The following DDX52 variants were observed in gnomAD, a reference collection of about 807,000 sequenced individuals.
DDX52 encodes DExD-box helicase 52.
A neutral mutation model predicts 76.1 loss-of-function variants in DDX52; 59 were observed. The ratio of observed to expected loss-of-function variants is 0.78; its 90% CI spans 0.63 to 0.96. DDX52 has a LOEUF of 0.96. Ranked by LOEUF, DDX52 falls within the 40% of genes least tolerant of loss-of-function variation. The pLI is 0.00. For synonymous variants in DDX52, 231 were observed against 244.1 expected, an observed-to-expected ratio of 0.95 and a Z score of 0.50; for missense variants, 707 against 703.9, an observed-to-expected ratio of 1.00 and a Z score of -0.05.
At chr17:37,635,589 A>G in intron 2 of DDX52, 1 of 455,954 alleles carries the variant, frequency 2.2e-6, no homozygotes, top group South Asian at 1.5e-5. Context: ...TAATGGATGT[A>G]CAGTTCATCA....
intron 3 of DDX52, among the ~76,000 whole-genome samples, chr17:37,632,996 A>C (rs1362233832): frequency 6.6e-6 from 1 of 152,216 alleles, no homozygotes; most frequent in Non-Finnish European, 1.5e-5. Flanking sequence ...TGTTTATCGA[A>C]AGCAGTTACG....
chr17:37,614,310 C>T lies in DDX52; in HGVS notation c.1786G>A (p.Glu596Lys), dbSNP rs2064400115. Residue 596 changes from glutamate to lysine, a missense_variant, in exon 15 of 15, where the codon GAA (glutamate) becomes AAA (lysine). By Grantham distance (56) the Glu-to-Lys change is moderately conservative. Coordinates refer to ENST00000617633, the MANE Select transcript of DDX52 (RefSeq NM_007010.5). ...AAAGTCTGTTTTTAACTTTTGTCTT[C>T]AAGAGCTACTTTCTTCTTGCTGTTC... ...GQNSKKKVALEDKS is the reference protein window; with the variant it reads ...GQNSKKKVALKDKS 8 of 1,612,780 alleles carry T rather than the reference C, an allele frequency of 5.0e-6. No individual in the cohort carries two copies. The South Asian group carries it at 7.7e-5, about 16-fold the overall frequency.
rs1387097839 is a variant in DDX52 at position 37,610,878 on chromosome 17, G to A, written c.*3418C>T. The stretch of plus-strand genomic sequence containing the variant: ...TAATTTCACTCCTTCCCTTCCTTGT[G>A]TGAAGCTGAAATTTATGTAGCACAT... On this transcript the variant is annotated 3_prime_UTR_variant, in exon 15 of 15. Transcript: ENST00000617633. 2 of 152,182 alleles carry A rather than the reference G, an allele frequency of 1.3e-5. No individual in the cohort carries two copies. Among genetic ancestry groups the A allele is most frequent in the Admixed American group, 6.5e-5 (1 of 15,282 alleles). The allele number at this position is 152,182 out of a possible 1,614,324, so 9.4% of individuals were successfully genotyped here.
chr17:37,633,290 T>C lies in DDX52; in HGVS notation c.415A>G (p.Lys139Glu). 1 of 1,600,442 alleles carries C rather than the reference T, an allele frequency of 6.2e-7. No homozygotes were observed. The highest frequency in any genetic ancestry group is 8.5e-7 in the Non-Finnish European group (1 of 1,175,942). ...TGGCCCCAAAATATTTTTCTAACCT[T>C]TTCTTTTCTGAGATTCTCCAACTTT... Reference protein sequence around the residue: ...SGKLENLRKEKINFLRNKHKI... With the variant: ...SGKLENLRKEEINFLRNKHKI... Residue 139 changes from lysine (K) to glutamate (E), a missense_variant and splice_region_variant, in exon 3 of 15, where the codon AAG becomes GAG. Physicochemically the swap from Lys to Glu is moderately conservative, Grantham distance 56. Coordinates refer to ENST00000617633, the MANE Select transcript of DDX52 (RefSeq NM_007010.5).
rs1308531513 is a variant in DDX52, at chr17:37,621,203, C to G, written c.1425G>C (p.Gly475=). 6.2e-7 allele frequency: 1 copy of G among 1,614,052 alleles called. No homozygotes were observed. Among genetic ancestry groups the G allele is most frequent in the South Asian group, 1.1e-5 (1 of 91,068 alleles). Residue 475 remains glycine, a synonymous_variant, in exon 11 of 15, where the codon GGG becomes GGC. Transcript: ENST00000617633. ...VLICTALLAR[G]IDFKGVNLVI... ...CCAAGTTCACACCTTTAAAATCAAT[C>G]CCTCTTGCTAGCAAGGCTGTACAAA...
intron 2 of DDX52, 68 bp from the exon 3 acceptor site, chr17:37,633,486 C>A (rs1209868809): frequency 4.9e-6 from 6 of 1,236,682 alleles, no homozygotes; most frequent in African/African-American, 1.6e-5. Flanking sequence ...CCCGTCTCTT[C>A]AAAAAAAAAT....
chr17:37,618,584 C>T (rs1041373275), intron 13 of DDX52, among the ~76,000 whole-genome samples, 200 bp from the exon 14 acceptor site: 3 of 151,956 alleles, frequency 2.0e-5, no homozygotes, highest in East Asian at 1.9e-4. Flanking sequence ...TGGGTTCAGG[C>T]GATTCTCCTG....
intron 4 of DDX52, chr17:37,630,947 A>AT (rs906308141): frequency 1.3e-5 from 2 of 152,138 alleles, no homozygotes; most frequent in African/African-American, 4.8e-5. Context: ...GCCCACTGTG[A>AT]TTTTTTAAGC....
At position 37,610,576 on chromosome 17, in the gene DDX52, A is replaced by T. The variant is rs1013620907; in HGVS notation, c.*3720T>A. On this transcript the variant is annotated 3_prime_UTR_variant, in exon 15 of 15. Transcript: ENST00000617633. ...CTTGTCTCAAGGTTTTTACTGGGTA[A>T]TAATTTGTAATAAGTTATTAGGCAC... The T allele has an allele frequency of 1.3e-5, 2 of 152,198 alleles. No individual in the cohort carries two copies. Among genetic ancestry groups the T allele is most frequent in the Non-Finnish European group, 2.9e-5 (2 of 68,028 alleles). 9.4% of individuals were successfully genotyped at this position (152,198 alleles called of 1,614,324 possible).
intron 4 of DDX52, 116 bp from the exon 5 acceptor site, chr17:37,630,289 T>C: frequency 8.8e-7 from 1 of 1,139,926 alleles, no homozygotes. Context: ...ATAATGAATC[T>C]AATCTTTCAA....
In DDX52 at chr17:37,610,585, A is replaced by C. The variant is rs897112325; in HGVS notation, c.*3711T>G. On this transcript the variant is annotated 3_prime_UTR_variant, in exon 15 of 15. Transcript: ENST00000617633. ...AGGTTTTTACTGGGTAATAATTTGT[A>C]ATAAGTTATTAGGCACAAACCACTG... 2.0e-4 allele frequency: 31 copies of C among 152,162 alleles called. No homozygotes were observed. Among genetic ancestry groups the C allele is most frequent in the African/African-American group, 7.5e-4 (31 of 41,428 alleles). The allele number at this position is 152,162 out of a possible 1,614,324, so 9.4% of individuals were successfully genotyped here. A position where few individuals can be genotyped will look rare whatever the true frequency, so the allele number is the denominator to read the frequency against.
At chr17:37,630,206 GAA>G (rs1258057423) in intron 4 of DDX52, 33 bp from the exon 5 acceptor site, 1 of 1,528,188 alleles carries the variant, frequency 6.5e-7, no homozygotes, top group Admixed American at 2.3e-5. Flanking sequence ...ATACTACAAA[GAA>G]AGTACATAAA....
chr17:37,639,722 C>A (rs187106170), intron 2 of DDX52, among the ~76,000 whole-genome samples: 302 of 148,472 alleles, frequency 2.0e-3, no homozygotes, highest in Non-Finnish European at 1.9e-3. Context: ...GCCCCAGCCA[C>A]AGAGTGAGAC....
rs2064385897 is a variant in DDX52, at chr17:37,613,047, C to T, written c.*1249G>A. ...CATCTAAAATATTCAAAGCAAAGTC[C>T]ACCTGTTCTGACTCTAGAACAAAAA... On this transcript the variant is annotated 3_prime_UTR_variant, in exon 15 of 15. Transcript: ENST00000617633. 6.6e-6 allele frequency: 1 copy of T among 152,066 alleles called. No homozygotes were observed. The highest frequency in any genetic ancestry group is 2.4e-5 in the African/African-American group (1 of 41,370). The allele number at this position is 152,066 out of a possible 1,614,324, so 9.4% of individuals were successfully genotyped here.
At chr17:37,629,228 T>TACACACACACAC (rs10661586) in intron 5 of DDX52, among the ~76,000 whole-genome samples, 2 of 133,876 alleles carry the variant, frequency 1.5e-5, no homozygotes, top group South Asian at 2.4e-4. Flanking sequence ...CAAGAAAAAA[T>TACACACACACAC]ACACACACAC....
chr17:37,616,351 AT>A (rs1174319888), intron 14 of DDX52, among the ~76,000 whole-genome samples: 2 of 152,066 alleles, frequency 1.3e-5, no homozygotes, highest in African/African-American at 2.4e-5. Flanking sequence ...GAAAATTAAA[AT>A]TTAAAAATGT....
At chr17:37,642,449 A>C in intron 1 of DDX52, 141 bp from the exon 2 acceptor site, 1 of 903,482 alleles carries the variant, frequency 1.1e-6, no homozygotes, top group African/African-American at 1.7e-5. Context: ...GACAAATGGA[A>C]TCTGAAGAGA....
intron 14 of DDX52, among the ~76,000 whole-genome samples, chr17:37,617,351 G>C (rs1048153791): frequency 6.6e-6 from 1 of 152,222 alleles, no homozygotes; most frequent in African/African-American, 2.4e-5. Context: ...AATTCTATTA[G>C]AGTATATAAT....
At chr17:37,623,708 AC>A (rs1438400297) in intron 9 of DDX52, among the ~76,000 whole-genome samples, 1 of 152,144 alleles carries the variant, frequency 6.6e-6, no homozygotes, top group East Asian at 1.9e-4. Context: ...AATTTGGCTC[AC>A]CCTGGTGGCC....
Sources: gnomAD v4.1 joint callset for allele counts (sites outside exome capture counted in the v4.1 genomes callset) on GRCh38, gnomAD v4.1.1 for gene constraint, MANE v1.5 for transcripts, NCBI Gene and HGNC (gene_info 2026-07-23, HGNC 2026-07-21) for gene names.